Variants in VPS52 observed in about 807,000 individuals in gnomAD.
The protein encoded by VPS52 is VPS52 subunit of GARP complex, also known as vacuolar protein sorting-associated protein 52 homolog.
Under a neutral mutation model 98.7 loss-of-function variants are expected in VPS52, and 56 were observed. The observed-to-expected ratio is 0.57, with a 90% CI of 0.46 to 0.71. The LOEUF is 0.71. Ranked by LOEUF, VPS52 falls within the 30% of genes least tolerant of loss-of-function variation. The pLI is 0.00. For missense variants in VPS52, 742 were observed against 925.9 expected (o/e 0.80, Z 2.58); for synonymous variants, 348 against 346.4 (o/e 1.00, Z -0.05).
Position 33,250,837 on chromosome 6 carries a change from C to T in VPS52, c.*4G>A, listed in dbSNP as rs1329560078. On this transcript the variant is annotated 3_prime_UTR_variant, in exon 20 of 20. Transcript: ENST00000445902. ...CGGCAGATCTCAGGGCGGTTTCTGG[C>T]ACATCAGAAGTTGGGCTTATGCTTC... is the stretch of plus-strand genomic sequence containing the variant. The T allele has an allele frequency of 1.9e-6, 3 of 1,608,516 alleles. No individual in the cohort carries two copies. The highest frequency in any genetic ancestry group is 2.5e-6 in the Non-Finnish European group (3 of 1,176,620).
At position 33,267,751 on chromosome 6, in the gene VPS52, G is replaced by A; in HGVS notation, c.934-12C>T. 2 of 1,612,964 alleles carry A rather than the reference G, an allele frequency of 1.2e-6. No homozygotes were observed. The highest frequency in any genetic ancestry group is 1.7e-6 in the Non-Finnish European group (2 of 1,180,002). On this transcript the variant is annotated splice_polypyrimidine_tract_variant and intron_variant, in intron 9 of 19. Coordinates refer to ENST00000445902, the MANE Select transcript of VPS52 (RefSeq NM_022553.6). The surrounding 1 kb of genome is among the most constrained non-coding windows in gnomAD (Gnocchi z 4.2). The stretch of plus-strand genomic sequence containing the variant: ...GCGACTTCCTCATACTAAGGAAAGA[G>A]AAAAGAGAACTGATAACCGTCTCTT...
At chr6:33,266,528 T>C in intron 12 of VPS52, 29 bp downstream of exon 12, 3 of 1,555,478 alleles carry the variant, frequency 1.9e-6, no homozygotes, top group Non-Finnish European at 1.7e-6. Context: ...GACAAAGGTG[T>C]TGAATGGTAC....
At position 33,267,170 on chromosome 6, in the gene VPS52, G is replaced by C; in HGVS notation, c.1125+18C>G. The C allele has an allele frequency of 6.8e-7, 1 of 1,474,888 alleles. No homozygotes were observed. The highest frequency in any genetic ancestry group is 1.5e-5 in the South Asian group (1 of 65,406). 91.4% of individuals were successfully genotyped at this position (1,474,888 alleles called of 1,614,324 possible). ...GCTCAGAGCCTCTTTCGTGACTGAA[G>C]CTTGTTCCTCCTCATACCCTCTGCT... is the stretch of plus-strand genomic sequence containing the variant. On this transcript the variant is annotated intron_variant, in intron 11 of 19. Coordinates refer to ENST00000445902, the MANE Select transcript of VPS52 (RefSeq NM_022553.6). The surrounding 1 kb of genome is among the most constrained non-coding windows in gnomAD (Gnocchi z 4.2).
Position 33,264,413 on chromosome 6 carries a change from G to T in VPS52, c.1485C>A (p.Asp495Glu), listed in dbSNP as rs1296410051. 1 of 1,614,062 alleles carries T rather than the reference G, an allele frequency of 6.2e-7. No homozygotes were observed. The highest frequency in any genetic ancestry group is 2.2e-5 in the East Asian group (1 of 44,902). ...TATCCAACCCCCCTAGGCGCTGGGG[G>T]TCAGTGCTTCGGACGCTCTGAACAT... ...EMNVQSVRST[D>E]PQRLGGLDTR... The change falls in exon 14 of 20, where the codon GAC becomes GAA. Residue 495 changes from aspartate (D) to glutamate (E), a missense_variant. Physicochemically the swap from Asp to Glu is conservative, Grantham distance 45. Transcript: ENST00000445902.
chr6:33,251,760 C>T, intron 18 of VPS52, 100 bp downstream of exon 18: 1 of 1,432,854 alleles, frequency 7.0e-7, no homozygotes, highest in Non-Finnish European at 9.8e-7. Context: ...TCAATCCAGT[C>T]TTTCATACTC....
At chr6:33,251,028 G>C in intron 19 of VPS52, 41 bp from the exon 20 acceptor site, 1 of 1,612,550 alleles carries the variant, frequency 6.2e-7, no homozygotes, top group Non-Finnish European at 8.5e-7. Context: ...CCGTAAAATG[G>C]TGCTAATAGT....
intron 17 of VPS52, chr6:33,255,030 A>C (rs1415479997): frequency 6.6e-6 from 1 of 152,122 alleles, no homozygotes; most frequent in Non-Finnish European, 1.5e-5. Context: ...TAGTGGTTTA[A>C]AAAATTATTT....
chr6:33,269,354 C>CA, intron 5 of VPS52, 136 bp downstream of exon 5: 1 of 1,434,610 alleles, frequency 7.0e-7, no homozygotes, highest in Non-Finnish European at 9.7e-7. Flanking sequence ...GCAGTAATAA[C>CA]AAAAAAGGCT....
Position 33,267,603 on chromosome 6 carries a change from G to A in VPS52, c.991+79C>T. ...TTTCAGTCCCATAGGAAAAGGTAAG[G>A]AGCAGTGCATTGGTGGCTGGAGTCG... On this transcript the variant is annotated intron_variant, in intron 10 of 19. Transcript: ENST00000445902. The surrounding 1 kb of genome is among the most constrained non-coding windows in gnomAD (Gnocchi z 4.2). The A allele has an allele frequency of 6.6e-7, 1 of 1,524,392 alleles. No individual in the cohort carries two copies. The highest frequency in any genetic ancestry group is 1.1e-5 in the South Asian group (1 of 87,758). 94.4% of individuals were successfully genotyped at this position (1,524,392 alleles called of 1,614,324 possible).
At chr6:33,253,492 CAAA>C (rs9280381) in intron 17 of VPS52, among the ~76,000 whole-genome samples, 7 of 80,382 alleles carry the variant, frequency 8.7e-5, no homozygotes, top group Admixed American at 1.3e-4. Context: ...AACTGTGTCT[CAAA>C]AAAAAAAAAA....
chr6:33,258,403 A>AG (rs1384963172), intron 17 of VPS52, among the ~76,000 whole-genome samples: 2 of 142,678 alleles, frequency 1.4e-5, no homozygotes, highest in Non-Finnish European at 3.0e-5. Flanking sequence ...AAAAAAAAAA[A>AG]GGTGCAAGGA....
rs745608981 is a variant in VPS52 at position 33,266,573 on chromosome 6, G to A, written c.1265C>T (p.Thr422Ile). The change falls in exon 12 of 20, where the codon ACA becomes ATA. Residue 422 changes from threonine to isoleucine, a missense_variant. Around this residue, in one of 2 missense-constraint regions of VPS52, gnomAD observed 590 missense variants for 793.3 expected, o/e 0.74. Coordinates refer to ENST00000445902, the MANE Select transcript of VPS52 (RefSeq NM_022553.6). ...GAGTCTTACCAGGGTCATGCTGAGT[G>A]TACGGCCCATGACAGCATGGAACAG... is the stretch of plus-strand genomic sequence containing the variant. Reference protein sequence around the residue: ...HDLFHAVMGRTLSMTLKHLDS... With the variant: ...HDLFHAVMGRILSMTLKHLDS... 6.2e-7 allele frequency: 1 copy of A among 1,609,974 alleles called. No homozygotes were observed.
chr6:33,267,100 G>A lies in VPS52; in HGVS notation c.1125+88C>T. 2 of 1,428,268 alleles carry A rather than the reference G, an allele frequency of 1.4e-6. No homozygotes were observed. The highest frequency in any genetic ancestry group is 1.8e-6 in the Non-Finnish European group (2 of 1,086,228). The allele number at this position is 1,428,268 out of a possible 1,614,324, so 88.5% of individuals were successfully genotyped here. On this transcript the variant is annotated intron_variant, in intron 11 of 19. Transcript: ENST00000445902. This position sits in a 1 kb window ranked among gnomAD's most constrained non-coding sequence, Gnocchi z 4.2. ...TAAGGGGATTAAGACAGGGCCTGCA[G>A]GTTGGGAAGCTCTGCCCTGAGGTCT...
chr6:33,271,876 T>G lies in VPS52; in HGVS notation c.-201A>C. ...AAATATGGAAGTCTGAAACACAAAC[T>G]AGCCCCGGAACCTTCGCTGTTCTCT... On this transcript the variant is annotated 5_prime_UTR_variant, in exon 1 of 20. Transcript: ENST00000445902. 1 of 1,243,186 alleles carries G rather than the reference T, an allele frequency of 8.0e-7. No homozygotes were observed. Among genetic ancestry groups the G allele is most frequent in the African/African-American group, 1.5e-5 (1 of 65,888 alleles). 77.0% of individuals were successfully genotyped at this position (1,243,186 alleles called of 1,614,324 possible).
chr6:33,267,153 C>A lies in VPS52; in HGVS notation c.1125+35G>T, dbSNP rs1239308368. On this transcript the variant is annotated intron_variant, in intron 11 of 19. Coordinates refer to ENST00000445902, the MANE Select transcript of VPS52 (RefSeq NM_022553.6). The surrounding 1 kb of genome is among the most constrained non-coding windows in gnomAD (Gnocchi z 4.2). ...CCTTCCCTCCCCACCGTGCTCAGAGCCTCTTTCGTGACTGAAGCTTGTTCC... is the reference window on the plus strand; with the variant it reads ...CCTTCCCTCCCCACCGTGCTCAGAGACTCTTTCGTGACTGAAGCTTGTTCC... The A allele has an allele frequency of 7.5e-6, 11 of 1,463,230 alleles. No individual in the cohort carries two copies. The highest frequency in any genetic ancestry group is 9.9e-6 in the Non-Finnish European group (11 of 1,105,738). 90.6% of individuals were successfully genotyped at this position (1,463,230 alleles called of 1,614,324 possible).
Position 33,251,560 on chromosome 6 carries a change from C to T in VPS52, c.1983G>A (p.Met661Ile). 1 of 1,614,024 alleles carries T rather than the reference C, an allele frequency of 6.2e-7. No homozygotes were observed. Among genetic ancestry groups the T allele is most frequent in the Non-Finnish European group, 8.5e-7 (1 of 1,180,002 alleles). The change falls in exon 19 of 20, where the codon ATG becomes ATA. Residue 661 changes from methionine (M) to isoleucine (I), a missense_variant. Transcript: ENST00000445902. ...SSVESLSQDVMRSFTNFRNGT... is the reference protein window; with the variant it reads ...SSVESLSQDVIRSFTNFRNGT... ...CATTTCTGAAGTTGGTGAAACTCCGCATTACATCCTGACTCAGAGATTCCA... is the reference window on the plus strand; with the variant it reads ...CATTTCTGAAGTTGGTGAAACTCCGTATTACATCCTGACTCAGAGATTCCA...
Position 33,268,374 on chromosome 6 carries a change from C to T in VPS52, c.699+125G>A. 3 of 1,381,068 alleles carry T rather than the reference C, an allele frequency of 2.2e-6. No homozygotes were observed. The highest frequency in any genetic ancestry group is 3.0e-6 in the Non-Finnish European group (3 of 1,008,132). The allele number at this position is 1,381,068 out of a possible 1,614,324, so 85.6% of individuals were successfully genotyped here. A position where few individuals can be genotyped will look rare whatever the true frequency, so the allele number is the denominator to read the frequency against. On this transcript the variant is annotated intron_variant, in intron 7 of 19. Coordinates refer to ENST00000445902, the MANE Select transcript of VPS52 (RefSeq NM_022553.6). The surrounding 1 kb of genome is among the most constrained non-coding windows in gnomAD (Gnocchi z 4.0). ...ACCCAGAGAGACAAGAATGGGGCTG[C>T]CCAGAAAAGGCAGGGTGAAGTCCCT...
rs1313140918 is a variant in VPS52, at chr6:33,263,765, C to G, written c.1728+7G>C. 1.2e-6 allele frequency: 2 copies of G among 1,614,178 alleles called. No homozygotes were observed. The highest frequency in any genetic ancestry group is 1.1e-5 in the South Asian group (1 of 91,090). On this transcript the variant is annotated splice_region_variant and intron_variant, in intron 16 of 19. Transcript: ENST00000445902. Reference sequence around the variant, plus strand: ...GTAGGAAGGCAAGGAGAAGGAGCACCTATTACCATCAGCACACCCAGCATC... The same window carrying G: ...GTAGGAAGGCAAGGAGAAGGAGCACGTATTACCATCAGCACACCCAGCATC...
chr6:33,266,654 C>T lies in VPS52; in HGVS notation c.1184G>A (p.Arg395His), dbSNP rs765896659. The change falls in exon 12 of 20, where the codon CGC (arginine) becomes CAC (histidine). Residue 395 changes from arginine to histidine, a missense_variant. Transcript: ENST00000445902. Reference protein sequence around the residue: ...QHYALLDNSCREYLFICEFFV... With the variant: ...QHYALLDNSCHEYLFICEFFV... ...AAATTCACAGATGAAAAGGTATTCG[C>T]GGCAGGAATTGTCTAGGAGGGCGTA... 1.9e-6 allele frequency: 3 copies of T among 1,612,782 alleles called. No individual in the cohort carries two copies. Among genetic ancestry groups the T allele is most frequent in the South Asian group, 2.2e-5 (2 of 91,078 alleles).
Sources: gnomAD v4.1 joint callset for allele counts (sites outside exome capture counted in the v4.1 genomes callset) on GRCh38, gnomAD v4.1.1 for gene constraint, gnomAD v4.1.1 regional missense constraint, Gnocchi (gnomAD v3.1) non-coding constraint, MANE v1.5 for transcripts, NCBI Gene and HGNC (gene_info 2026-07-23, HGNC 2026-07-21) for gene names.